The following CDKL4 variants were observed in gnomAD, a reference collection of about 807,000 sequenced individuals.
CDKL4 encodes the protein cyclin dependent kinase like 4, also known as cyclin-dependent kinase-like 4.
In CDKL4, 44 loss-of-function variants were observed where a neutral mutation model predicts 42.0. That is an observed-to-expected ratio of 1.05 (90% CI 0.82 to 1.35). The LOEUF is 1.35. CDKL4 is among the 40% of genes most tolerant of loss of function. The pLI, the probability that CDKL4 is intolerant of heterozygous loss-of-function variation, is 0.00. For missense variants in CDKL4, 393 were observed against 369.9 expected (o/e 1.06, Z -0.51); for synonymous variants, 120 against 121.6 (o/e 0.99, Z 0.09).
At chr2:39,178,685 C>T in intron 9 of CDKL4, 3 of 1,608,504 alleles carry the variant, frequency 1.9e-6, no homozygotes, top group Non-Finnish European at 1.7e-6. Flanking sequence ...TCCCAGATGT[C>T]TGGGTTTCAT....
chr2:39,211,055 TTGCCTC>T (rs1171895220), intron 4 of CDKL4, among the ~76,000 whole-genome samples: 5 of 152,204 alleles, frequency 3.3e-5, no homozygotes, highest in Non-Finnish European at 5.9e-5. Context: ...CTCTGTATCA[TTGCCTC>T]AGCACTGTCT....
chr2:39,205,995 A>ATGG (rs1677161180), intron 4 of CDKL4, among the ~76,000 whole-genome samples: 1 of 151,792 alleles, frequency 6.6e-6, no homozygotes, highest in Non-Finnish European at 1.5e-5. Flanking sequence ...TGCTGTCAGA[A>ATGG]TCCATACTGG....
At chr2:39,190,041 G>C (rs1206011826) in intron 6 of CDKL4, among the ~76,000 whole-genome samples, 1 of 152,168 alleles carries the variant, frequency 6.6e-6, no homozygotes, top group African/African-American at 2.4e-5. Context: ...GATATGGAAA[G>C]TAAATGTATA....
At chr2:39,178,551 G>A (rs760840344) in intron 9 of CDKL4, 76 of 1,550,710 alleles carry the variant, frequency 4.9e-5, no homozygotes, top group Non-Finnish European at 6.5e-5. Context: ...TGGAGTTTAC[G>A]ATTTAACTTC....
rs781400389 is a variant in CDKL4 at position 39,179,216 on chromosome 2, T to C, written c.898A>G (p.Asn300Asp). The C allele has an allele frequency of 6.8e-6, 11 of 1,612,524 alleles. No homozygotes were observed. In the Admixed American group the frequency reaches 1.8e-4, roughly 27 times the overall value. The change falls in exon 9 of 10, where the codon AAT becomes GAT. Residue 300 changes from asparagine to aspartate, a missense_variant. Physicochemically the swap from Asn to Asp is conservative, Grantham distance 23. Transcript: ENST00000451199. ...TGGCGTCTTCTGTTTCTTCCTTCAT[T>C]ACGTGCTTTTCTTTTAATTTGGGCC...
chr2:39,213,045 T>C (rs978407048), intron 4 of CDKL4, among the ~76,000 whole-genome samples: 3 of 152,246 alleles, frequency 2.0e-5, no homozygotes, highest in African/African-American at 7.2e-5. Context: ...TTTATTCAAA[T>C]TTTTAATTCA....
intron 5 of CDKL4, among the ~76,000 whole-genome samples, chr2:39,203,024 T>G (rs1676949164): frequency 6.6e-6 from 1 of 152,190 alleles, no homozygotes; most frequent in African/African-American, 2.4e-5. Context: ...ATTGCCACAG[T>G]GGGTTCACCA....
chr2:39,190,591 A>C, intron 5 of CDKL4, 89 bp from the exon 6 acceptor site: 1 of 1,075,386 alleles, frequency 9.3e-7, no homozygotes. Context: ...GGCTGCAATA[A>C]CCATCAGAGG....
chr2:39,213,041 C>T (rs201712452), intron 4 of CDKL4, among the ~76,000 whole-genome samples: 2 of 152,182 alleles, frequency 1.3e-5, no homozygotes, highest in Non-Finnish European at 2.9e-5. Flanking sequence ...TATATTTATT[C>T]AAATTTTTAA....
At chr2:39,215,646 C>T (rs1298727705) in intron 3 of CDKL4, among the ~76,000 whole-genome samples, 1 of 152,074 alleles carries the variant, frequency 6.6e-6, no homozygotes, top group African/African-American at 2.4e-5. Flanking sequence ...TGAACATGTG[C>T]AGATGTAGCT....
intron 6 of CDKL4, 55 bp from the exon 7 acceptor site, chr2:39,187,764 G>T: frequency 8.1e-7 from 1 of 1,232,274 alleles, no homozygotes. Flanking sequence ...ATAATCAAGT[G>T]TTTAAATGGT....
At chr2:39,193,809 A>T (rs563346765) in intron 5 of CDKL4, among the ~76,000 whole-genome samples, 49 of 152,220 alleles carry the variant, frequency 3.2e-4, no homozygotes, top group Non-Finnish European at 3.8e-4. Flanking sequence ...TAGAATTGGG[A>T]CCAGTCTGTG....
At chr2:39,246,057 A>G (rs567808265), upstream of CDKL4, among the ~76,000 whole-genome samples, 45 of 152,314 alleles carry the variant, frequency 3.0e-4, no homozygotes, top group Admixed American at 9.8e-4. Flanking sequence ...GAAATGCTAT[A>G]TGTTAATAAG....
chr2:39,209,317 G>A (rs370289300), intron 4 of CDKL4, among the ~76,000 whole-genome samples: 98 of 137,242 alleles, frequency 7.1e-4, no homozygotes, highest in Admixed American at 8.9e-4. Context: ...GTCTCAGGAA[G>A]AAAAAAAAAA....
chr2:39,185,127 CATATATATACATATATATGTGTAT>C (rs1406801330), intron 7 of CDKL4, among the ~76,000 whole-genome samples: 1 of 134,368 alleles, frequency 7.4e-6, no homozygotes, highest in African/African-American at 2.9e-5. Flanking sequence ...TATACACACA[CATATATATACATATATATGTGTAT>C]ATATATACAC....
chr2:39,205,427 A>G (rs956941282), intron 4 of CDKL4, among the ~76,000 whole-genome samples: 2 of 152,118 alleles, frequency 1.3e-5, no homozygotes, highest in African/African-American at 4.8e-5. Flanking sequence ...TAGAATGACC[A>G]TATTATTTAT....
In CDKL4 at chr2:39,209,154, T is replaced by TAAAA. The variant is rs1677418131; in HGVS notation, c.363+4245_363+4246insTTTT. On this transcript the variant is annotated intron_variant, in intron 4 of 9. Transcript: ENST00000451199. ...TCTCTACAAAAAAAAAAAAAAATTT[T>TAAAA]TTTTTTAAATTAGCCATGCATGATA... Among the ~76,000 whole-genome samples the TAAAA allele has an allele frequency of 7.9e-5, 12 of 151,328 alleles. No individual in the cohort carries two copies. In the South Asian group the frequency reaches 2.5e-3, roughly 32 times the overall value.
rs1675746524 is a variant in CDKL4 at position 39,185,403 on chromosome 2, TGTGTATATATACATATATATATAC to T, written c.736-780_736-757del. Among the ~76,000 whole-genome samples the T allele has an allele frequency of 2.3e-4, 3 of 13,170 alleles. 1 individual carries two copies. 8.6% of individuals were successfully genotyped at this position (13,170 alleles called of 152,430 possible). The stretch of plus-strand genomic sequence containing the variant: ...GTATATATACATGTATATATACATA[TGTGTATATATACATATATATATAC>T]ATATGTATATATACATGTATATATA... On this transcript the variant is annotated intron_variant, in intron 7 of 9. Coordinates refer to ENST00000451199, the Ensembl canonical transcript of CDKL4.
chr2:39,214,199 A>C (rs1677773006), intron 3 of CDKL4, among the ~76,000 whole-genome samples: 1 of 152,198 alleles, frequency 6.6e-6, no homozygotes, highest in South Asian at 2.1e-4. Flanking sequence ...CTTGGATTAC[A>C]GGTGTGAGAC....
Sources: allele counts gnomAD v4.1 joint callset (sites outside exome capture counted in the v4.1 genomes callset), GRCh38; gene constraint gnomAD v4.1.1; transcripts MANE v1.5; gene names NCBI Gene and HGNC (gene_info 2026-07-23, HGNC 2026-07-21).